SEMA4D: variants seen among roughly 807,000 people sequenced by gnomAD.
The protein encoded by SEMA4D is semaphorin-4D.
A neutral mutation model predicts 74.8 loss-of-function variants in SEMA4D; 22 were observed. The observed-to-expected ratio is 0.29, with a 90% CI of 0.21 to 0.42. The LOEUF (loss-of-function observed/expected upper bound fraction) is 0.42, where lower values mean the gene tolerates loss of function less well. Among genes scored for constraint, SEMA4D ranks in the 10% least tolerant of loss-of-function variants. The probability of loss-of-function intolerance (pLI) is 1.00; values close to 1 mark genes in which losing one functional copy is unlikely to be tolerated. For synonymous variants in SEMA4D, 445 were observed against 463.7 expected (o/e 0.96, Z 0.52); for missense variants, 937 against 1,118.4 (o/e 0.84, Z 2.31).
intron 11 of SEMA4D, 43 bp from the exon 12 acceptor site, chr9:89,387,651 C>T (rs1838829227): frequency 6.3e-7 from 1 of 1,580,962 alleles, no homozygotes; most frequent in Non-Finnish European, 8.7e-7. Context: ...TCGTGTCCCA[C>T]CACGCAACGG....
At chr9:89,443,261 G>A (rs540025919) in intron 2 of SEMA4D, among the ~76,000 whole-genome samples, 43 of 152,250 alleles carry the variant, frequency 2.8e-4, no homozygotes, top group African/African-American at 7.9e-4. Flanking sequence ...GGAGAAGAAC[G>A]GATGCCAGTG....
chr9:89,432,625 T>C (rs563237585), intron 2 of SEMA4D, among the ~76,000 whole-genome samples: 5 of 152,066 alleles, frequency 3.3e-5, no homozygotes, highest in African/African-American at 7.2e-5. Context: ...TTAATACCCA[T>C]ATGAAAATGA....
intron 1 of SEMA4D, among the ~76,000 whole-genome samples, chr9:89,474,861 G>A (rs1861381000): frequency 6.6e-6 from 1 of 152,250 alleles, no homozygotes; most frequent in South Asian, 2.1e-4. Context: ...GTCTGTGACT[G>A]TCAGCCCCTG....
chr9:89,472,127 C>T (rs764011160), intron 1 of SEMA4D: 1 of 179,728 alleles, frequency 5.6e-6, no homozygotes, highest in Non-Finnish European at 1.2e-5. Context: ...TTTGCACAAT[C>T]CTTCTGACTT....
chr9:89,392,711 TTC>T (rs2133242363), intron 7 of SEMA4D, among the ~76,000 whole-genome samples, 175 bp from the exon 8 acceptor site: 1 of 101,386 alleles, frequency 9.9e-6, no homozygotes, highest in South Asian at 3.2e-4. Flanking sequence ...TTCTAGTTCT[TTC>T]TTTTTCGAGA....
At chr9:89,400,703 G>C (rs973838662) in intron 4 of SEMA4D, among the ~76,000 whole-genome samples, 9 of 152,214 alleles carry the variant, frequency 5.9e-5, no homozygotes, top group African/African-American at 2.2e-4. Context: ...AAATGCATAA[G>C]GACAAGGGAA....
chr9:89,377,284 A>T lies in SEMA4D; in HGVS notation c.*1420T>A. 3.9e-6 allele frequency: 2 copies of T among 513,238 alleles called. No individual in the cohort carries two copies. The highest frequency in any genetic ancestry group is 3.1e-6 in the Non-Finnish European group (1 of 317,508). 31.8% of individuals were successfully genotyped at this position (513,238 alleles called of 1,614,324 possible). ...TTTGGGTACTTTCCAAATGTATACA[A>T]TTCAAAGTAGAAAAATAAAAACAAG... On this transcript the variant is annotated 3_prime_UTR_variant, in exon 16 of 16. Coordinates refer to ENST00000422704, the MANE Select transcript of SEMA4D (RefSeq NM_001371194.2).
At chr9:89,475,909 C>T (rs1367876587) in intron 1 of SEMA4D, among the ~76,000 whole-genome samples, 2 of 152,184 alleles carry the variant, frequency 1.3e-5, no homozygotes, top group Admixed American at 1.3e-4. Context: ...CATGTCCAAG[C>T]CATGTCACAT....
chr9:89,455,953 T>C lies in SEMA4D; in HGVS notation c.-309A>G, dbSNP rs1855828547. 2 of 152,178 alleles carry C rather than the reference T, an allele frequency of 1.3e-5. No individual in the cohort carries two copies. The highest frequency in any genetic ancestry group is 2.9e-5 in the Non-Finnish European group (2 of 68,044). 9.4% of individuals were successfully genotyped at this position (152,178 alleles called of 1,614,324 possible). ...TTTCCACTATCTGGTGTTAGCAGAG[T>C]CTGAAACAGAGTTAGAAAAGGGCAC... On this transcript the variant is annotated splice_region_variant and 5_prime_UTR_variant, in exon 2 of 16. Transcript: ENST00000422704.
At chr9:89,389,612 C>T (rs1358436799) in intron 9 of SEMA4D, among the ~76,000 whole-genome samples, 2 of 152,224 alleles carry the variant, frequency 1.3e-5, no homozygotes, top group Non-Finnish European at 2.9e-5. Context: ...TTTATAAACG[C>T]TTTTCAGGGA....
exon 19 of SEMA4D, chr9:89,362,254 G>A (rs993164358): frequency 1.5e-6 from 2 of 1,371,262 alleles, no homozygotes; most frequent in African/African-American, 1.4e-5. Context: ...TGCCCATCAG[G>A]TGGTGGCCCA....
chr9:89,365,074 T>A (rs1352648988), intron 16 of SEMA4D: 1 of 152,320 alleles, frequency 6.6e-6, no homozygotes, highest in African/African-American at 2.4e-5. Flanking sequence ...TCCCTGTTCT[T>A]ACTGAAGGAA....
At chr9:89,388,847 G>C in intron 10 of SEMA4D, 25 bp downstream of exon 10, 1 of 1,609,924 alleles carries the variant, frequency 6.2e-7, no homozygotes, top group African/African-American at 1.3e-5. Context: ...GGAGCAAGGA[G>C]GGGGACTCCA....
intron 2 of SEMA4D, among the ~76,000 whole-genome samples, chr9:89,411,883 T>C (rs987823129): frequency 6.6e-6 from 1 of 152,198 alleles, no homozygotes; most frequent in South Asian, 2.1e-4. Flanking sequence ...TGGCACAGGA[T>C]TTAATGCAGA....
At chr9:89,426,577 G>A (rs1459088091) in intron 2 of SEMA4D, among the ~76,000 whole-genome samples, 1 of 152,142 alleles carries the variant, frequency 6.6e-6, no homozygotes, top group Non-Finnish European at 1.5e-5. Context: ...GAAACAAAAG[G>A]ATGTTCGCCA....
chr9:89,485,580 G>A (rs1825118075), intron 1 of SEMA4D, among the ~76,000 whole-genome samples: 1 of 151,926 alleles, frequency 6.6e-6, no homozygotes, highest in East Asian at 1.9e-4. Context: ...CCTGAGGTCG[G>A]GAGTTCAAGA....
chr9:89,476,074 G>A (rs1395113418), intron 1 of SEMA4D, among the ~76,000 whole-genome samples: 1 of 152,206 alleles, frequency 6.6e-6, no homozygotes. Flanking sequence ...TGTGAGCGCA[G>A]CTTGCACAAG....
chr9:89,484,986 T>TG lies in SEMA4D; in HGVS notation c.-310+12932dup, dbSNP rs1825059797. Among the ~76,000 whole-genome samples, 2 of 118,402 alleles carry TG rather than the reference T, an allele frequency of 1.7e-5. No homozygotes were observed. The highest frequency in any genetic ancestry group is 5.4e-5 in the African/African-American group (2 of 36,844). 77.7% of individuals were successfully genotyped at this position (118,402 alleles called of 152,430 possible). A position where few individuals can be genotyped will look rare whatever the true frequency, so the allele number is the denominator to read the frequency against. On this transcript the variant is annotated intron_variant, in intron 1 of 15. Transcript: ENST00000422704. The surrounding 1 kb of genome is among the most constrained non-coding windows in gnomAD (Gnocchi z 4.1). ...GTGGTGGAGGCATATGTGTGTAGTA[T>TG]GTTGTGTGTGTGTGTGTGTGTGTGT... is the stretch of plus-strand genomic sequence containing the variant.
chr9:89,408,191 GATA>G (rs971232019), intron 2 of SEMA4D, among the ~76,000 whole-genome samples: 1 of 152,228 alleles, frequency 6.6e-6, no homozygotes, highest in African/African-American at 2.4e-5. Flanking sequence ...ATTAGCATCT[GATA>G]ATAATAATGT....
Sources: allele counts gnomAD v4.1 joint callset (sites outside exome capture counted in the v4.1 genomes callset), GRCh38; gene constraint gnomAD v4.1.1; non-coding constraint Gnocchi (gnomAD v3.1); transcripts MANE v1.5; gene names NCBI Gene and HGNC (gene_info 2026-07-23, HGNC 2026-07-21).